The following WNK2 variants were observed in gnomAD, a reference collection of about 807,000 sequenced individuals.
The protein encoded by WNK2 is serine/threonine-protein kinase WNK2.
Under a neutral mutation model 192.1 loss-of-function variants are expected in WNK2, and 67 were observed. The observed-to-expected ratio is 0.35, with a 90% CI of 0.29 to 0.43. The LOEUF is 0.43. WNK2 is among the 20% of genes least tolerant of loss of function. The pLI, the probability that WNK2 is intolerant of heterozygous loss-of-function variation, is 1.00. For synonymous variants in WNK2, 1,439 were observed against 1,393.9 expected, an observed-to-expected ratio of 1.03 and a Z score of -0.72; for missense variants, 2,698 against 3,089.7, an observed-to-expected ratio of 0.87 and a Z score of 3.01.
chr9:93,273,948 G>A (rs1184556232), intron 19 of WNK2, among the ~76,000 whole-genome samples: 1 of 152,180 alleles, frequency 6.6e-6, no homozygotes, highest in Non-Finnish European at 1.5e-5. Context: ...TGTAGTTAAA[G>A]CAGTACTTAG....
Position 93,292,802 on chromosome 9 carries a change from C to T in WNK2, c.5337C>T (p.Pro1779=). The T allele has an allele frequency of 6.5e-7, 1 of 1,543,490 alleles. No individual in the cohort carries two copies. Among genetic ancestry groups the T allele is most frequent in the South Asian group, 1.2e-5 (1 of 83,150 alleles). ...CCGACGTCTACCTGGACGAGGCCCC[C>T]TCCAGCCCCGACGTGAAGCTGGCAG... ...APPDVYLDEA[P]SSPDVKLAVR... The change falls in exon 23 of 30, where the codon CCC becomes CCT. Residue 1779 remains proline (P), a synonymous_variant. Transcript: ENST00000427277.
intron 28 of WNK2, chr9:93,309,046 G>C: frequency 3.0e-6 from 3 of 995,054 alleles, no homozygotes; most frequent in Non-Finnish European, 3.6e-6. Flanking sequence ...GCGGAAGTGA[G>C]GACCTGCTGT....
At chr9:93,289,902 G>A in intron 20 of WNK2, 76 bp from the exon 21 acceptor site, 1 of 1,418,708 alleles carries the variant, frequency 7.0e-7, no homozygotes, top group South Asian at 1.3e-5. Flanking sequence ...TGAGGGGAGT[G>A]GATTTGCAGA....
Position 93,185,059 on chromosome 9 carries a change from C to T in WNK2, c.130C>T (p.Arg44Cys). ...ARPGPQRFLR[R>C]SVVESDQEEP... ...GCCGGGGCCCCAGCGCTTTCTGCGG[C>T]GCAGCGTGGTAGAGTCGGACCAGGA... Residue 44 changes from arginine (R) to cysteine (C), a missense_variant, in exon 2 of 30, where the codon CGC becomes TGC. By Grantham distance (180) the Arg-to-Cys change is radical. Around this residue, in one of 7 missense-constraint regions of WNK2, gnomAD observed 260 missense variants for 285.6 expected, o/e 0.91. Transcript: ENST00000427277. The T allele has an allele frequency of 1.5e-6, 2 of 1,304,458 alleles. No individual in the cohort carries two copies. Among genetic ancestry groups the T allele is most frequent in the South Asian group, 2.1e-5 (1 of 48,052 alleles). 80.8% of individuals were successfully genotyped at this position (1,304,458 alleles called of 1,614,324 possible).
chr9:93,259,213 G>A lies in WNK2; in HGVS notation c.2665G>A (p.Val889Ile), dbSNP rs756151615. The stretch of plus-strand genomic sequence containing the variant: ...ACCGGCCACTATCCCCCTGCTGGCC[G>A]TAGCCCCACCGGGCGTGGCTGCCCT... The part of the protein sequence containing the change: ...NAPATIPLLA[V>I]APPGVAALSI... Residue 889 changes from valine (V) to isoleucine (I), a missense_variant, in exon 12 of 30, where the codon GTA (valine) becomes ATA (isoleucine). Val to Ile is a conservative substitution (Grantham distance 29, BLOSUM62 3). Transcript: ENST00000427277. This position sits in a 1 kb window ranked among gnomAD's most constrained non-coding sequence, Gnocchi z 4.8. The A allele has an allele frequency of 1.6e-5, 26 of 1,612,956 alleles. No homozygotes were observed. Among genetic ancestry groups the A allele is most frequent in the East Asian group, 4.5e-5 (2 of 44,826 alleles).
intron 19 of WNK2, among the ~76,000 whole-genome samples, chr9:93,274,714 A>G (rs954841858): frequency 4.6e-5 from 7 of 152,204 alleles, no homozygotes; most frequent in African/African-American, 1.7e-4. Context: ...CATCTAAGAT[A>G]GAATAATCTG....
Position 93,259,269 on chromosome 9 carries a change from A to G in WNK2, c.2721A>G (p.Pro907=). The change falls in exon 12 of 30, where the codon CCA becomes CCG. Residue 907 remains proline (P), a synonymous_variant. Coordinates refer to ENST00000427277, the MANE Select transcript of WNK2 (RefSeq NM_006648.4). The surrounding 1 kb of genome is among the most constrained non-coding windows in gnomAD (Gnocchi z 4.8). ...LSIHSAVAQL[P]GQPVYPAAFP... ...TTCATTCTGCCGTGGCCCAGCTCCC[A>G]GGCCAACCTGTGTACCCAGCGGCCT... 6.2e-7 allele frequency: 1 copy of G among 1,613,296 alleles called. No individual in the cohort carries two copies. Among genetic ancestry groups the G allele is most frequent in the Non-Finnish European group, 8.5e-7 (1 of 1,179,748 alleles).
In WNK2 at chr9:93,259,181, C is replaced by T. The variant is rs1477932498; in HGVS notation, c.2633C>T (p.Pro878Leu). The change falls in exon 12 of 30, where the codon CCA becomes CTA. Residue 878 changes from proline (P) to leucine (L), a missense_variant. Transcript: ENST00000427277. This position sits in a 1 kb window ranked among gnomAD's most constrained non-coding sequence, Gnocchi z 4.8. ...GCCATGCCCTGCCGGACCATTGTGC[C>T]AAATGCACCGGCCACTATCCCCCTG... ...PLAMPCRTIVPNAPATIPLLA... is the reference protein window; with the variant it reads ...PLAMPCRTIVLNAPATIPLLA... The T allele has an allele frequency of 6.2e-7, 1 of 1,612,742 alleles. No homozygotes were observed. The highest frequency in any genetic ancestry group is 1.1e-5 in the South Asian group (1 of 91,054).
chr9:93,290,427 A>G (rs1849165486), intron 21 of WNK2, among the ~76,000 whole-genome samples: 1 of 151,878 alleles, frequency 6.6e-6, no homozygotes, highest in Admixed American at 6.6e-5. Flanking sequence ...AATGTGGTGC[A>G]GGGAAGCCAA....
intron 4 of WNK2, among the ~76,000 whole-genome samples, chr9:93,233,980 A>T (rs1191559660): frequency 5.3e-5 from 8 of 152,188 alleles, no homozygotes; most frequent in Non-Finnish European, 1.2e-4. Flanking sequence ...CTTATTATAG[A>T]GAATAGAGAA....
chr9:93,287,095 G>A (rs756972460), intron 19 of WNK2, among the ~76,000 whole-genome samples: 6 of 152,164 alleles, frequency 3.9e-5, no homozygotes, highest in Non-Finnish European at 5.9e-5. Flanking sequence ...ACACAACATA[G>A]TGCCTATAGT....
chr9:93,201,411 C>G (rs193216995), intron 2 of WNK2, among the ~76,000 whole-genome samples: 1 of 152,220 alleles, frequency 6.6e-6, no homozygotes, highest in African/African-American at 2.4e-5. Context: ...TTGGGGTGCT[C>G]ACGCTGCATG....
chr9:93,302,220 T>C (rs997670510), intron 26 of WNK2, among the ~76,000 whole-genome samples: 1 of 152,186 alleles, frequency 6.6e-6, no homozygotes, highest in African/African-American at 2.4e-5. Context: ...GGCGCAGCCC[T>C]GTGAGCGCTG....
intron 2 of WNK2, among the ~76,000 whole-genome samples, chr9:93,210,234 G>T (rs1243560620): frequency 6.6e-6 from 1 of 151,922 alleles, no homozygotes; most frequent in African/African-American, 2.4e-5. Flanking sequence ...CTGAGATTTG[G>T]GGAGGACAGT....
intron 2 of WNK2, among the ~76,000 whole-genome samples, chr9:93,205,544 C>A (rs896771562): frequency 6.6e-6 from 1 of 152,192 alleles, no homozygotes; most frequent in South Asian, 2.1e-4. Context: ...GCCTGGCCCC[C>A]ACTCTGTCCT....
At position 93,259,470 on chromosome 9, in the gene WNK2, GC is replaced by G; in HGVS notation, c.2927del (p.Pro976LeufsTer138). On this transcript the variant is annotated frameshift_variant, in exon 12 of 30. Transcript: ENST00000427277. LOFTEE classifies it high-confidence loss of function. The surrounding 1 kb of genome is among the most constrained non-coding windows in gnomAD (Gnocchi z 4.8). ...CTGTGTTGCCCCCGCAACCCACACG[GC>G]CCCCTCAACCTGTGCTGCCCCCGCA... ...QPVLPPQPTR[P>X]PQPVLPPQPM... 1 of 1,435,992 alleles carries G rather than the reference GC, an allele frequency of 7.0e-7. No homozygotes were observed. The highest frequency in any genetic ancestry group is 9.2e-7 in the Non-Finnish European group (1 of 1,091,472). The allele number at this position is 1,435,992 out of a possible 1,614,324, so 89.0% of individuals were successfully genotyped here. A position where few individuals can be genotyped will look rare whatever the true frequency, so the allele number is the denominator to read the frequency against.
Position 93,268,624 on chromosome 9 carries a change from C to G in WNK2, c.3914-3C>G, listed in dbSNP as rs1249911254. The G allele has an allele frequency of 6.2e-7, 1 of 1,610,636 alleles. No homozygotes were observed. The highest frequency in any genetic ancestry group is 1.3e-5 in the African/African-American group (1 of 74,804). ...AGCGTGCTGTTTCTGTTCTGCCCTT[C>G]AGTCCTGCACACCGGGAAGAGGTGG... is the stretch of plus-strand genomic sequence containing the variant. On this transcript the variant is annotated splice_polypyrimidine_tract_variant and splice_region_variant and intron_variant, in intron 18 of 29. Coordinates refer to ENST00000427277, the MANE Select transcript of WNK2 (RefSeq NM_006648.4).
chr9:93,229,851 C>T lies in WNK2; in HGVS notation c.837C>T (p.Thr279=). The change falls in exon 3 of 30, where the codon ACC becomes ACT. Residue 279 remains threonine (T), a synonymous_variant. Transcript: ENST00000427277. The surrounding 1 kb of genome is among the most constrained non-coding windows in gnomAD (Gnocchi z 4.9). The part of the protein sequence containing the change: ...RCIVLVTELM[T]SGTLKTYLKR... ...TTGTGCTGGTGACGGAGCTGATGACCTCAGGGACGCTGAAGACGTAAGCTC... is the reference window on the plus strand; with the variant it reads ...TTGTGCTGGTGACGGAGCTGATGACTTCAGGGACGCTGAAGACGTAAGCTC... 1 of 1,613,766 alleles carries T rather than the reference C, an allele frequency of 6.2e-7. No individual in the cohort carries two copies.
intron 26 of WNK2, 92 bp from the exon 27 acceptor site, chr9:93,306,685 A>G: frequency 6.6e-7 from 1 of 1,526,022 alleles, no homozygotes; most frequent in South Asian, 1.1e-5. Context: ...CTCCCTGCAC[A>G]CTGACGACTT....
Sources: allele counts gnomAD v4.1 joint callset (sites outside exome capture counted in the v4.1 genomes callset), GRCh38; gene constraint gnomAD v4.1.1; regional missense constraint gnomAD v4.1.1; non-coding constraint Gnocchi (gnomAD v3.1); transcripts MANE v1.5; gene names NCBI Gene and HGNC (gene_info 2026-07-23, HGNC 2026-07-21).